ZNF407: variants seen among roughly 807,000 people sequenced by gnomAD.
ZNF407 encodes zinc finger protein 407.
A neutral mutation model predicts 131.2 loss-of-function variants in ZNF407; 17 were observed. The ratio of observed to expected loss-of-function variants is 0.13; its 90% CI spans 0.09 to 0.19. The LOEUF is 0.19. Among genes scored for constraint, ZNF407 ranks in the 10% least tolerant of loss-of-function variants. The probability of loss-of-function intolerance (pLI) is 1.00; values close to 1 mark genes in which losing one functional copy is unlikely to be tolerated. For missense variants in ZNF407, 2,681 were observed against 2,830.6 expected (o/e 0.95, Z 1.20); for synonymous variants, 1,156 against 1,062.0 (o/e 1.09, Z -1.72).
chr18:75,002,197 T>A (rs1972853245), intron 8 of ZNF407, among the ~76,000 whole-genome samples: 1 of 152,242 alleles, frequency 6.6e-6, no homozygotes, highest in Non-Finnish European at 1.5e-5. Context: ...TGATATGGGA[T>A]ATTTTGTATA....
intron 7 of ZNF407, among the ~76,000 whole-genome samples, chr18:74,918,104 C>T (rs572282641): frequency 1.8e-4 from 27 of 152,278 alleles, no homozygotes; most frequent in Non-Finnish European, 3.4e-4. Flanking sequence ...GTGTCAGTCA[C>T]CTTCAGATGT....
At chr18:75,000,042 T>C (rs1972827459) in intron 8 of ZNF407, among the ~76,000 whole-genome samples, 1 of 152,212 alleles carries the variant, frequency 6.6e-6, no homozygotes, top group Non-Finnish European at 1.5e-5. Context: ...TGTAAAGAAC[T>C]CTGGGTGCTG....
intron 4 of ZNF407, among the ~76,000 whole-genome samples, chr18:74,813,544 T>C (rs1970227671): frequency 6.6e-6 from 1 of 152,218 alleles, no homozygotes; most frequent in South Asian, 2.1e-4. Flanking sequence ...CTCCAGTTTC[T>C]ACTCTGTCCC....
chr18:74,901,172 C>A (rs571779167), intron 7 of ZNF407, among the ~76,000 whole-genome samples: 1 of 152,070 alleles, frequency 6.6e-6, no homozygotes, highest in Non-Finnish European at 1.5e-5. Context: ...ATGGCCCCAC[C>A]GGTTGATGGA....
intron 3 of ZNF407, among the ~76,000 whole-genome samples, chr18:74,697,710 A>T (rs1005369817): frequency 6.6e-6 from 1 of 152,224 alleles, no homozygotes; most frequent in Admixed American, 6.5e-5. Flanking sequence ...TAAAAATTAA[A>T]TGATGAATTA....
chr18:74,630,634 C>T (rs73971103), intron 1 of ZNF407, among the ~76,000 whole-genome samples: 3,553 of 151,784 alleles, frequency 0.023, 119 homozygotes, highest in African/African-American at 0.076. Context: ...AGGAGAGCTT[C>T]TCTTTTTGTT....
chr18:74,849,088 T>C (rs1441053228), intron 4 of ZNF407, among the ~76,000 whole-genome samples: 3 of 147,536 alleles, frequency 2.0e-5, no homozygotes, highest in Non-Finnish European at 4.5e-5. Context: ...TTTGTTGCTG[T>C]TGTTGTTGAG....
chr18:74,754,995 C>A (rs1221834916), intron 3 of ZNF407, among the ~76,000 whole-genome samples: 2 of 152,064 alleles, frequency 1.3e-5, no homozygotes, highest in Non-Finnish European at 2.9e-5. Flanking sequence ...AGTGTCTTTG[C>A]AGGTCTCTAA....
At chr18:74,708,074 C>T (rs1291599094) in intron 3 of ZNF407, among the ~76,000 whole-genome samples, 1 of 152,028 alleles carries the variant, frequency 6.6e-6, no homozygotes, top group African/African-American at 2.4e-5. Flanking sequence ...TGCATGATGT[C>T]ATCTAAAAAT....
In ZNF407 at chr18:74,640,466, TA is replaced by T. The variant is rs1477236984; in HGVS notation, c.4688-537del. On this transcript the variant is annotated intron_variant, in intron 2 of 8. Coordinates refer to ENST00000299687, the MANE Select transcript of ZNF407 (RefSeq NM_017757.3). The stretch of plus-strand genomic sequence containing the variant: ...ACTGTATATTTATAAATTGTGTTAT[TA>T]AAAATATAGATAATAATTTGGGACA... 4.6e-5 allele frequency among the ~76,000 whole-genome samples: 7 copies of T among 152,252 alleles called. No individual in the cohort carries two copies. In the East Asian group the frequency reaches 5.8e-4, roughly 13 times the overall value.
chr18:74,672,219 T>G (rs1599057280), intron 3 of ZNF407, among the ~76,000 whole-genome samples: 1 of 152,178 alleles, frequency 6.6e-6, no homozygotes. Flanking sequence ...GCATCTGTTA[T>G]TTTTTGACTG....
At chr18:74,899,752 C>T (rs1299326027) in intron 7 of ZNF407, among the ~76,000 whole-genome samples, 4 of 152,128 alleles carry the variant, frequency 2.6e-5, no homozygotes, top group Admixed American at 6.5e-5. Context: ...GAGTGGGCGG[C>T]GTGCCAGGTG....
intron 4 of ZNF407, among the ~76,000 whole-genome samples, chr18:74,786,055 G>C (rs1969705584): frequency 6.6e-6 from 1 of 152,120 alleles, no homozygotes; most frequent in Non-Finnish European, 1.5e-5. Flanking sequence ...AAATTATTGG[G>C]GAACAGATTA....
intron 1 of ZNF407, among the ~76,000 whole-genome samples, chr18:74,623,187 T>G (rs1983624791): frequency 6.6e-6 from 1 of 151,554 alleles, no homozygotes; most frequent in Non-Finnish European, 1.5e-5. Context: ...TGTGAATCCG[T>G]GTGTGTCTGT....
At chr18:75,005,818 G>A (rs943739336) in intron 8 of ZNF407, among the ~76,000 whole-genome samples, 4 of 151,284 alleles carry the variant, frequency 2.6e-5, no homozygotes, top group Non-Finnish European at 5.9e-5. Context: ...ACCCTCCTGG[G>A]ATGCTGCCCA....
chr18:74,631,369 T>A lies in ZNF407; in HGVS notation c.350T>A (p.Leu117Gln). 1 of 1,614,032 alleles carries A rather than the reference T, an allele frequency of 6.2e-7. No individual in the cohort carries two copies. The highest frequency in any genetic ancestry group is 8.5e-7 in the Non-Finnish European group (1 of 1,179,890). Residue 117 changes from leucine (L) to glutamine (Q), a missense_variant, in exon 2 of 9, where the codon CTG becomes CAG. Physicochemically the swap from Leu to Gln is moderately radical, Grantham distance 113 (BLOSUM62 -2). This residue lies in a region of ZNF407 where 1,789 missense variants were observed against 1,748.7 expected (regional missense o/e 1.02). Coordinates refer to ENST00000299687, the MANE Select transcript of ZNF407 (RefSeq NM_017757.3). ...ALDETGKETF[L>Q]SDCTVGGTCL... is the part of the protein sequence containing the mutation. ...GATGAAACAGGGAAGGAGACCTTTCTGAGTGACTGCACAGTTGGAGGCACA... is the reference window on the plus strand; with the variant it reads ...GATGAAACAGGGAAGGAGACCTTTCAGAGTGACTGCACAGTTGGAGGCACA...
chr18:74,954,786 C>T (rs2145283966), intron 8 of ZNF407, among the ~76,000 whole-genome samples: 1 of 152,308 alleles, frequency 6.6e-6, no homozygotes, highest in African/African-American at 2.4e-5. Flanking sequence ...CCATTCCAGC[C>T]ACCAGTGAAC....
At chr18:74,609,895 T>G (rs1210464504) in intron 1 of ZNF407, among the ~76,000 whole-genome samples, 1 of 152,220 alleles carries the variant, frequency 6.6e-6, no homozygotes, top group Non-Finnish European at 1.5e-5. Flanking sequence ...CATTTGGTGG[T>G]TCCTAGAGCT....
intron 8 of ZNF407, among the ~76,000 whole-genome samples, chr18:74,991,035 A>AG (rs1282803657): frequency 2.4e-4 from 37 of 152,322 alleles, no homozygotes; most frequent in Admixed American, 1.9e-3. Flanking sequence ...GCATACACCC[A>AG]GGGGCATTAG....
Sources: gnomAD v4.1 joint callset for allele counts (sites outside exome capture counted in the v4.1 genomes callset) on GRCh38, gnomAD v4.1.1 for gene constraint, gnomAD v4.1.1 regional missense constraint, MANE v1.5 for transcripts, NCBI Gene and HGNC (gene_info 2026-07-23, HGNC 2026-07-21) for gene names.